Variants in STRC observed in about 807,000 individuals in gnomAD.
STRC encodes stereocilin.
A neutral mutation model predicts 103.5 loss-of-function variants in STRC; 43 were observed. The ratio of observed to expected loss-of-function variants is 0.42; its 90% confidence interval spans 0.33 to 0.54. The LOEUF (loss-of-function observed/expected upper bound fraction) is 0.54. STRC is among the 20% of genes least tolerant of loss of function. STRC has a pLI of 0.14. For synonymous variants in STRC, 186 were observed against 442.3 expected, an observed-to-expected ratio of 0.42 and a Z score of 7.27; for missense variants, 499 against 1,088.5, an observed-to-expected ratio of 0.46 and a Z score of 7.62.
intron 22 of STRC, 117 bp from the exon 23 acceptor site, chr15:43,603,528 G>T (rs975153418): frequency 1.2e-5 from 13 of 1,118,766 alleles, no homozygotes; most frequent in Non-Finnish European, 1.8e-5. Flanking sequence ...TGAGAAATAG[G>T]GATCAAAGGA....
intron 18 of STRC, among the ~76,000 whole-genome samples, chr15:43,606,377 A>G (rs1211424418): frequency 8.6e-6 from 1 of 115,802 alleles, no homozygotes; most frequent in Non-Finnish European, 1.8e-5. Context: ...CGAGGCAGGC[A>G]GATCACAGGG....
chr15:43,603,198 A>G, intron 23 of STRC, 44 bp downstream of exon 23: 4 of 1,604,820 alleles, frequency 2.5e-6, no homozygotes, highest in Non-Finnish European at 3.4e-6. Context: ...TCACACCCAA[A>G]TAGCTTCCTC....
chr15:43,605,153 T>A (rs2085702745), intron 19 of STRC, 111 bp downstream of exon 19: 1 of 1,550,154 alleles, frequency 6.5e-7, no homozygotes, highest in African/African-American at 1.4e-5. Context: ...GGAATCTGTT[T>A]GGCAGCAAGA....
In STRC at chr15:43,600,197, G is replaced by A. The variant is rs1397103328; in HGVS notation, c.5090C>T (p.Ala1697Val). ...AISVIPPPKFAVVFSPIQLSS... is the reference protein window; with the variant it reads ...AISVIPPPKFVVVFSPIQLSS... Reference sequence around the variant, plus strand: ...TCACCCCAGTCCATTAATACTTACAGCAAATTTAGGAGGAGGGATGACAGA... The same window carrying A: ...TCACCCCAGTCCATTAATACTTACAACAAATTTAGGAGGAGGGATGACAGA... The change falls in exon 27 of 29, where the codon GCT (alanine) becomes GTT (valine). Residue 1697 changes from alanine (A) to valine (V), a missense_variant and splice_region_variant. Physicochemically the swap from Ala to Val is moderately conservative, Grantham distance 64. Coordinates refer to ENST00000450892, the MANE Select transcript of STRC (RefSeq NM_153700.2). 7.8e-6 allele frequency: 11 copies of A among 1,418,914 alleles called. No individual in the cohort carries two copies. The South Asian group carries it at 1.2e-4, about 16-fold the overall frequency. 87.9% of individuals were successfully genotyped at this position (1,418,914 alleles called of 1,614,324 possible).
chr15:43,609,143 C>T lies in STRC; in HGVS notation c.3557+133G>A, dbSNP rs1318186332. ...AGGGCAAAGGGAGGTGCTAGGAGAA[C>T]GTCCACGAGGCAGGGACTATGCATC... On this transcript the variant is annotated intron_variant, in intron 16 of 28. Coordinates refer to ENST00000450892, the MANE Select transcript of STRC (RefSeq NM_153700.2). 2.8e-4 allele frequency: 220 copies of T among 784,204 alleles called. 1 individual carries two copies. The highest frequency in any genetic ancestry group is 8.5e-4 in the South Asian group (61 of 71,498). The allele number at this position is 784,204 out of a possible 1,614,324, so 48.6% of individuals were successfully genotyped here. A position where few individuals can be genotyped will look rare whatever the true frequency, so the allele number is the denominator to read the frequency against.
intron 14 of STRC, 114 bp from the exon 15 acceptor site, chr15:43,610,551 A>G: frequency 5.0e-6 from 2 of 397,618 alleles, no homozygotes; most frequent in Non-Finnish European, 8.9e-6. Context: ...ACAGAAGTGG[A>G]ATGGCATTTG....
chr15:43,601,823 A>G (rs1206107412), intron 23 of STRC: 1 of 456,134 alleles, frequency 2.2e-6, no homozygotes, highest in Non-Finnish European at 4.0e-6. Flanking sequence ...GACGCTTATT[A>G]AAACAGATGC....
intron 22 of STRC, 101 bp from the exon 23 acceptor site, chr15:43,603,512 G>T: frequency 1.6e-6 from 2 of 1,276,356 alleles, no homozygotes; most frequent in Non-Finnish European, 1.1e-6. Flanking sequence ...GGAGGATAGA[G>T]CACTGTGAGA....
chr15:43,603,704 T>C lies in STRC; in HGVS notation c.4375+292A>G, dbSNP rs1235969332. On this transcript the variant is annotated intron_variant, in intron 22 of 28. Transcript: ENST00000450892. ...GCCTCACAATGTCTCCTTCAAAGCT[T>C]CTAGGGATCTCCCCAGCAGAGAGCT... 4.6e-6 allele frequency: 3 copies of C among 649,676 alleles called. No individual in the cohort carries two copies. The South Asian group carries it at 5.9e-5, about 13-fold the overall frequency. The allele number at this position is 649,676 out of a possible 1,614,324, so 40.2% of individuals were successfully genotyped here.
At position 43,616,502 on chromosome 15, in the gene STRC, TGGTTCTCACAGA is replaced by T; in HGVS notation, c.1052_1063del (p.Leu351_Asn354del). 5.7e-6 allele frequency: 2 copies of T among 352,400 alleles called. No individual in the cohort carries two copies. The highest frequency in any genetic ancestry group is 4.6e-5 in the South Asian group (2 of 43,098). The allele number at this position is 352,400 out of a possible 1,614,324, so 21.8% of individuals were successfully genotyped here. ...GCTGTAGGGTGGTGCTGGGCCTAAG[TGGTTCTCACAGA>T]GGGCCTCCACAGTGATGGCTCGCCG... is the stretch of plus-strand genomic sequence containing the variant. On this transcript the variant is annotated inframe_deletion, in exon 4 of 29. Coordinates refer to ENST00000450892, the MANE Select transcript of STRC (RefSeq NM_153700.2).
At position 43,603,350 on chromosome 15, in the gene STRC, C is replaced by G. The variant is rs2085687160; in HGVS notation, c.4437G>C (p.Gln1479His). Reference sequence around the variant, plus strand: ...AGTCTGAGAGCTCCATCTCTGCAATCTGGGTTGCAGACCAGGCTGCTGGGA... The same window carrying G: ...AGTCTGAGAGCTCCATCTCTGCAATGTGGGTTGCAGACCAGGCTGCTGGGA... Reference protein sequence around the residue: ...GTFPAAWSATQIAEMELSDFE... With the variant: ...GTFPAAWSATHIAEMELSDFE... The change falls in exon 23 of 29, where the codon CAG (glutamine) becomes CAC (histidine). Residue 1479 changes from glutamine to histidine, a missense_variant. Physicochemically the swap from Gln to His is conservative, Grantham distance 24. Coordinates refer to ENST00000450892, the MANE Select transcript of STRC (RefSeq NM_153700.2). 6.2e-7 allele frequency: 1 copy of G among 1,613,724 alleles called. No individual in the cohort carries two copies. The highest frequency in any genetic ancestry group is 8.5e-7 in the Non-Finnish European group (1 of 1,179,894).
rs1476187059 is a variant in STRC at position 43,605,302 on chromosome 15, G to A, written c.3892C>T (p.His1298Tyr). ...GCCCTCTCTGCCAGGGCTGCCTGGTGGAGGGGGGTCAGTGCCAGCAGCTGC... is the reference window on the plus strand; with the variant it reads ...GCCCTCTCTGCCAGGGCTGCCTGGTAGAGGGGGGTCAGTGCCAGCAGCTGC... ...PEQLLALTPL[H>Y]QAALAERALQ... The change falls in exon 19 of 29, where the codon CAC becomes TAC. Residue 1298 changes from histidine (H) to tyrosine (Y), a missense_variant. Transcript: ENST00000450892. 21 of 1,591,736 alleles carry A rather than the reference G, an allele frequency of 1.3e-5. 2 individuals carry two copies. Among genetic ancestry groups the A allele is most frequent in the Middle Eastern group, 1.7e-4 (1 of 6,022 alleles).
chr15:43,603,255 C>T lies in STRC; in HGVS notation c.4532G>A (p.Gly1511Asp). Reference sequence around the variant, plus strand: ...TCCATCCCTAACCTGTTTTGCTTTGCCCATGGCTGCCCGCAGTTCCTCAGG... The same window carrying T: ...TCCATCCCTAACCTGTTTTGCTTTGTCCATGGCTGCCCGCAGTTCCTCAGG... ...LGPEELRAAM[G>D]KAKQLWGPPR... The change falls in exon 23 of 29, where the codon GGC becomes GAC. Residue 1511 changes from glycine (G) to aspartate (D), a missense_variant. Gly to Asp is a moderately conservative substitution (Grantham distance 94). Transcript: ENST00000450892. 6.2e-7 allele frequency: 1 copy of T among 1,613,538 alleles called. No individual in the cohort carries two copies. The highest frequency in any genetic ancestry group is 1.3e-5 in the African/African-American group (1 of 74,962).
chr15:43,604,947 C>T (rs1567117811), intron 19 of STRC, 101 bp from the exon 20 acceptor site: 4 of 1,500,676 alleles, frequency 2.7e-6, no homozygotes, highest in Non-Finnish European at 3.6e-6. Flanking sequence ...CCCTCCTGCT[C>T]CCAGCTCAGC....
chr15:43,601,221 C>G (rs2085664766), intron 24 of STRC, among the ~76,000 whole-genome samples, 175 bp downstream of exon 24: 1 of 151,688 alleles, frequency 6.6e-6, no homozygotes, highest in African/African-American at 2.4e-5. Context: ...TGTCCAGGGC[C>G]TCAGAGTGAA....
At chr15:43,602,592 T>C (rs560545859) in intron 23 of STRC, 1 of 155,794 alleles carries the variant, frequency 6.4e-6, no homozygotes, top group Admixed American at 6.2e-5. Flanking sequence ...GATACAGAGA[T>C]TTGCATGGCG....
chr15:43,603,272 T>C lies in STRC; in HGVS notation c.4515A>G (p.Glu1505=). 6.2e-7 allele frequency: 1 copy of C among 1,613,754 alleles called. No homozygotes were observed. Among genetic ancestry groups the C allele is most frequent in the Non-Finnish European group, 8.5e-7 (1 of 1,179,836 alleles). Residue 1505 remains glutamate, a synonymous_variant, in exon 23 of 29, where the codon GAA becomes GAG. Transcript: ENST00000450892. ...FAGDPGLGPE[E]LRAAMGKAKQ... The stretch of plus-strand genomic sequence containing the variant: ...TTGCTTTGCCCATGGCTGCCCGCAG[T>C]TCCTCAGGCCCAAGTCCTGGGTCTC...
chr15:43,604,308 G>A (rs1382047236), intron 21 of STRC, 53 bp downstream of exon 21: 27 of 1,585,228 alleles, frequency 1.7e-5, no homozygotes, highest in Non-Finnish European at 2.3e-5. Context: ...CCCATAACCA[G>A]CTCACCAGTC....
chr15:43,606,647 G>A (rs1461006465), intron 18 of STRC, among the ~76,000 whole-genome samples: 6 of 115,980 alleles, frequency 5.2e-5, no homozygotes, highest in African/African-American at 9.8e-5. Flanking sequence ...CCTTTTACCC[G>A]AAATCAGAGG....
Sources: gnomAD v4.1 joint callset for allele counts (sites outside exome capture counted in the v4.1 genomes callset) on GRCh38, gnomAD v4.1.1 for gene constraint, MANE v1.5 for transcripts, NCBI Gene and HGNC (gene_info 2026-07-23, HGNC 2026-07-21) for gene names.